Variants in BMPER observed in about 807,000 individuals in gnomAD.
The protein encoded by BMPER is BMP binding endothelial regulator, also known as BMP-binding endothelial regulator protein.
BMPER carries 45 observed loss-of-function variants against 87.3 expected under a neutral mutation model. That is an observed-to-expected ratio of 0.52 (90% CI 0.41 to 0.66). The LOEUF is 0.66. BMPER is among the 30% of genes least tolerant of loss of function. BMPER has a pLI of 0.00. For missense variants in BMPER, 784 were observed against 867.5 expected (o/e 0.90, Z 1.21); for synonymous variants, 326 against 316.2 (o/e 1.03, Z -0.33).
rs1164186124 is a variant in BMPER at position 34,153,564 on chromosome 7, G to T, written c.*291G>T. On this transcript the variant is annotated 3_prime_UTR_variant, in exon 15 of 15. Transcript: ENST00000649409. The stretch of plus-strand genomic sequence containing the variant: ...ACACCAGGTGTTTTTAATTTAATAA[G>T]GTGGCATGCAGATACATTGGATAGT... 2.9e-6 allele frequency: 1 copy of T among 343,186 alleles called. No individual in the cohort carries two copies. The highest frequency in any genetic ancestry group is 5.5e-6 in the Non-Finnish European group (1 of 182,824). 21.3% of individuals were successfully genotyped at this position (343,186 alleles called of 1,614,324 possible). A position where few individuals can be genotyped will look rare whatever the true frequency, so the allele number is the denominator to read the frequency against.
chr7:33,914,825 T>C lies in BMPER; in HGVS notation c.219+7922T>C, dbSNP rs115519614. Among the ~76,000 whole-genome samples, 1,340 of 152,142 alleles carry C rather than the reference T, an allele frequency of 8.8e-3. 16 individuals carry two copies. The highest frequency in any genetic ancestry group is 0.03 in the African/African-American group (1,247 of 41,484). Reference sequence around the variant, plus strand: ...AGAGGCAAGAGGAGAACCAGGAAGGTACATGCCAAGGCAGAAGACGTTTGA... The same window carrying C: ...AGAGGCAAGAGGAGAACCAGGAAGGCACATGCCAAGGCAGAAGACGTTTGA... On this transcript the variant is annotated intron_variant, in intron 2 of 14. Transcript: ENST00000649409.
chr7:34,058,175 A>G lies in BMPER; in HGVS notation c.1032+12A>G, dbSNP rs1788334292. 3 of 1,608,732 alleles carry G rather than the reference A, an allele frequency of 1.9e-6. No homozygotes were observed. The highest frequency in any genetic ancestry group is 1.7e-5 in the Admixed American group (1 of 60,014). ...GTAGCTGCCCACAGGTATGTTTGGA[A>G]CACAGATTGACTTTACCTTAGCGTC... On this transcript the variant is annotated intron_variant, in intron 10 of 14. Coordinates refer to ENST00000649409, the MANE Select transcript of BMPER (RefSeq NM_001365308.1).
chr7:34,111,175 C>G (rs553442090), intron 13 of BMPER, among the ~76,000 whole-genome samples: 3 of 152,106 alleles, frequency 2.0e-5, no homozygotes, highest in Non-Finnish European at 4.4e-5. Flanking sequence ...TTTTCGTAAG[C>G]GTTTATGGAA....
chr7:34,008,548 T>G (rs1426413662), intron 6 of BMPER, among the ~76,000 whole-genome samples: 1 of 151,990 alleles, frequency 6.6e-6, no homozygotes, highest in African/African-American at 2.4e-5. Flanking sequence ...TTCCTGATAT[T>G]TTTGAAGGAG....
chr7:34,020,418 G>A (rs1309667342), intron 6 of BMPER, among the ~76,000 whole-genome samples: 1 of 151,966 alleles, frequency 6.6e-6, no homozygotes, highest in Non-Finnish European at 1.5e-5. Context: ...ATCCAAGGGT[G>A]TAGATGACAA....
chr7:33,967,547 C>A (rs186011413), intron 4 of BMPER, among the ~76,000 whole-genome samples: 26 of 152,304 alleles, frequency 1.7e-4, no homozygotes, highest in African/African-American at 6.3e-4. Flanking sequence ...TATAGGAAAT[C>A]TGTTGCTTGT....
intron 6 of BMPER, among the ~76,000 whole-genome samples, chr7:33,991,059 A>G (rs1786200092): frequency 6.8e-6 from 1 of 146,266 alleles, no homozygotes; most frequent in Admixed American, 7.0e-5. Flanking sequence ...CTCATCAAGG[A>G]TATTGGTCTA....
intron 6 of BMPER, among the ~76,000 whole-genome samples, chr7:33,986,850 A>T (rs1002181716): frequency 6.6e-6 from 1 of 152,194 alleles, no homozygotes; most frequent in Non-Finnish European, 1.5e-5. Context: ...CTTTTTGTCC[A>T]TTATTAGCCA....
At chr7:33,942,075 G>A (rs1251228532) in intron 3 of BMPER, among the ~76,000 whole-genome samples, 6 of 152,186 alleles carry the variant, frequency 3.9e-5, no homozygotes, top group Non-Finnish European at 7.4e-5. Context: ...ATGGGAAGGT[G>A]AATCTAGTAT....
chr7:33,921,865 C>G (rs772129122), intron 2 of BMPER: 2 of 470,612 alleles, frequency 4.2e-6, no homozygotes, highest in Admixed American at 2.4e-5. Context: ...AGGAACCAGA[C>G]GCAAACAACG....
intron 2 of BMPER, among the ~76,000 whole-genome samples, chr7:33,935,416 G>T (rs1222879704): frequency 6.6e-6 from 1 of 152,112 alleles, no homozygotes; most frequent in African/African-American, 2.4e-5. Flanking sequence ...AGATTAACCA[G>T]ATCTGAGCTT....
chr7:33,964,074 A>G (rs1271232332), intron 3 of BMPER, among the ~76,000 whole-genome samples: 1 of 152,186 alleles, frequency 6.6e-6, no homozygotes, highest in Non-Finnish European at 1.5e-5. Flanking sequence ...GAGTACATAT[A>G]AGGTTTTCTT....
intron 2 of BMPER, among the ~76,000 whole-genome samples, chr7:33,917,721 C>T (rs780452793): frequency 3.3e-5 from 5 of 152,180 alleles, no homozygotes; most frequent in South Asian, 2.1e-4. Flanking sequence ...TATGAAAACA[C>T]GCCTTTCCAA....
At chr7:34,012,780 A>T (rs1786916018) in intron 6 of BMPER, among the ~76,000 whole-genome samples, 1 of 152,012 alleles carries the variant, frequency 6.6e-6, no homozygotes, top group Non-Finnish European at 1.5e-5. Context: ...CTTAGAAAAG[A>T]CTCATGAAGG....
chr7:34,143,456 A>G (rs1790930624), intron 14 of BMPER, 96 bp downstream of exon 14: 2 of 1,553,562 alleles, frequency 1.3e-6, no homozygotes, highest in South Asian at 2.3e-5. Flanking sequence ...GAGTGGCCAC[A>G]TGCCCCCTTG....
chr7:34,100,192 G>A (rs978601647), intron 13 of BMPER, among the ~76,000 whole-genome samples: 1 of 152,174 alleles, frequency 6.6e-6, no homozygotes, highest in Admixed American at 6.5e-5. Flanking sequence ...TCCAGTTAAT[G>A]AAGAAGACAT....
chr7:34,012,728 A>G (rs1786915110), intron 6 of BMPER, among the ~76,000 whole-genome samples: 1 of 151,998 alleles, frequency 6.6e-6, no homozygotes, highest in Non-Finnish European at 1.5e-5. Context: ...CTCATTTAAT[A>G]ATGACACCAA....
At chr7:34,118,115 A>T (rs1359949291) in intron 13 of BMPER, among the ~76,000 whole-genome samples, 13 of 152,074 alleles carry the variant, frequency 8.5e-5, no homozygotes, top group Non-Finnish European at 1.5e-5. Flanking sequence ...GGAGTTCGAG[A>T]CCAACATGGT....
chr7:33,927,027 C>T (rs1012218948), intron 2 of BMPER, among the ~76,000 whole-genome samples: 1 of 152,232 alleles, frequency 6.6e-6, no homozygotes, highest in African/African-American at 2.4e-5. Flanking sequence ...TTGAAAGGCT[C>T]TGTGATTGCT....
Sources: gnomAD v4.1 joint callset for allele counts (sites outside exome capture counted in the v4.1 genomes callset) on GRCh38, gnomAD v4.1.1 for gene constraint, MANE v1.5 for transcripts, NCBI Gene and HGNC (gene_info 2026-07-23, HGNC 2026-07-21) for gene names.